The following MFSD6 variants were observed in gnomAD, a reference collection of about 807,000 sequenced individuals.
MFSD6 encodes major facilitator superfamily domain-containing protein 6.
In MFSD6, 26 loss-of-function variants were observed where a neutral mutation model predicts 56.3. The ratio of observed to expected loss-of-function variants is 0.46; its 90% CI spans 0.34 to 0.64. The LOEUF (loss-of-function observed/expected upper bound fraction) is 0.64, where lower values mean the gene tolerates loss of function less well. MFSD6 is among the 30% of genes least tolerant of loss of function. MFSD6 has a pLI of 0.01. For missense variants in MFSD6, 750 were observed against 986.2 expected, an observed-to-expected ratio of 0.76 and a Z score of 3.21; for synonymous variants, 331 against 366.9, an observed-to-expected ratio of 0.90 and a Z score of 1.12.
chr2:190,432,842 T>A (rs10931453), intron 2 of MFSD6, among the ~76,000 whole-genome samples: 57,814 of 125,460 alleles, frequency 0.46, 11,973 homozygotes, highest in Admixed American at 0.63. Context: ...ACACACACAC[T>A]CTCTCTCTCT....
chr2:190,466,580 T>G (rs553891749), intron 3 of MFSD6, among the ~76,000 whole-genome samples: 2 of 152,228 alleles, frequency 1.3e-5, no homozygotes, highest in South Asian at 4.1e-4. Flanking sequence ...ATGATGATGA[T>G]GATGATGAAT....
rs1249388127 is a variant in MFSD6, at chr2:190,416,997, A to G, written c.-54+1584A>G. On this transcript the variant is annotated intron_variant, in intron 2 of 7. Coordinates refer to ENST00000392328, the MANE Select transcript of MFSD6 (RefSeq NM_017694.4). The surrounding 1 kb of genome is among the most constrained non-coding windows in gnomAD (Gnocchi z 4.1). ...TTGAGAGCTTACAGGGGTAAAGGGC[A>G]ATATGTTATGTTCTAGATTCCTCCC... is the stretch of plus-strand genomic sequence containing the variant. Among the ~76,000 whole-genome samples the G allele has an allele frequency of 2.0e-5, 3 of 152,242 alleles. No individual in the cohort carries two copies. The East Asian group carries it at 5.8e-4, about 29-fold the overall frequency.
intron 4 of MFSD6, among the ~76,000 whole-genome samples, chr2:190,481,971 T>G (rs1002495034): frequency 6.6e-6 from 1 of 152,220 alleles, no homozygotes; most frequent in African/African-American, 2.4e-5. Context: ...TTCGTGGACA[T>G]GCAGCTAGAT....
Position 190,436,286 on chromosome 2 carries a change from A to G in MFSD6, c.257A>G (p.Tyr86Cys). 2 of 1,614,020 alleles carry G rather than the reference A, an allele frequency of 1.2e-6. No homozygotes were observed. Among genetic ancestry groups the G allele is most frequent in the Non-Finnish European group, 1.7e-6 (2 of 1,179,928 alleles). ...TTTTACTCTGCCTATGGCTCTCTCT[A>G]TCCCCTTTTGCCTGTGTATTACAAA... ...FFFYSAYGSL[Y>C]PLLPVYYKQL... The change falls in exon 3 of 8, where the codon TAT becomes TGT. Residue 86 changes from tyrosine to cysteine, a missense_variant. By Grantham distance (194) the Tyr-to-Cys change is radical. Around this residue, in one of 5 missense-constraint regions of MFSD6, gnomAD observed 76 missense variants for 101.9 expected, o/e 0.75. Transcript: ENST00000392328. The surrounding 1 kb of genome is among the most constrained non-coding windows in gnomAD (Gnocchi z 5.3).
chr2:190,446,912 TTCTGAGGATCTC>T (rs1021437596), intron 3 of MFSD6, among the ~76,000 whole-genome samples: 2 of 152,192 alleles, frequency 1.3e-5, no homozygotes, highest in Non-Finnish European at 2.9e-5. Context: ...GACTTAGGGA[TTCTGAGGATCTC>T]TCCCAGTGCA....
In MFSD6 at chr2:190,417,452, G is replaced by A. The variant is rs1690824932; in HGVS notation, c.-54+2039G>A. Among the ~76,000 whole-genome samples the A allele has an allele frequency of 6.6e-6, 1 of 152,200 alleles. No individual in the cohort carries two copies. Among genetic ancestry groups the A allele is most frequent in the African/African-American group, 2.4e-5 (1 of 41,448 alleles). ...ATTTAGCATAAGGTGTTGTGATTGTGTGTGCCCCCGTCTTCTTCTCGCCTC... is the reference window on the plus strand; with the variant it reads ...ATTTAGCATAAGGTGTTGTGATTGTATGTGCCCCCGTCTTCTTCTCGCCTC... On this transcript the variant is annotated intron_variant, in intron 2 of 7. Coordinates refer to ENST00000392328, the MANE Select transcript of MFSD6 (RefSeq NM_017694.4). This position sits in a 1 kb window ranked among gnomAD's most constrained non-coding sequence, Gnocchi z 5.7.
At position 190,456,234 on chromosome 2, in the gene MFSD6, C is replaced by G. The variant is rs139536920; in HGVS notation, c.1533-13524C>G. ...AGGATTACAGGTGTGAGCCACCATG[C>G]CTGGCCTGCTCTACTTTTTTCCTTA... is the stretch of plus-strand genomic sequence containing the variant. On this transcript the variant is annotated intron_variant, in intron 3 of 7. Transcript: ENST00000392328. The surrounding 1 kb of genome is among the most constrained non-coding windows in gnomAD (Gnocchi z 5.4). 2.6e-5 allele frequency among the ~76,000 whole-genome samples: 4 copies of G among 152,144 alleles called. No individual in the cohort carries two copies. The highest frequency in any genetic ancestry group is 5.9e-5 in the Non-Finnish European group (4 of 68,010).
intron 3 of MFSD6, among the ~76,000 whole-genome samples, chr2:190,448,194 G>C (rs1355847400): frequency 1.3e-5 from 2 of 152,208 alleles, no homozygotes; most frequent in African/African-American, 4.8e-5. Context: ...CAAGAGTAAA[G>C]ATGGTTCCTG....
chr2:190,442,353 A>G (rs1311431715), intron 3 of MFSD6, among the ~76,000 whole-genome samples: 4 of 152,142 alleles, frequency 2.6e-5, no homozygotes, highest in Non-Finnish European at 4.4e-5. Flanking sequence ...GTTGGAAAAA[A>G]CAGGAGAGAC....
chr2:190,477,459 G>T lies in MFSD6; in HGVS notation c.1630+7604G>T, dbSNP rs372692405. The T allele has an allele frequency of 6.7e-6, 5 of 745,982 alleles. No homozygotes were observed. The East Asian group carries it at 3.9e-4, about 59-fold the overall frequency. The allele number at this position is 745,982 out of a possible 1,614,324, so 46.2% of individuals were successfully genotyped here. A position where few individuals can be genotyped will look rare whatever the true frequency, so the allele number is the denominator to read the frequency against. On this transcript the variant is annotated intron_variant, in intron 4 of 7. Coordinates refer to ENST00000392328, the MANE Select transcript of MFSD6 (RefSeq NM_017694.4). ...TTTTTATCCTTTTAGTTTAAAATGA[G>T]TTAGGTGGAAAAGGACGGTTTCCAT... is the stretch of plus-strand genomic sequence containing the variant.
chr2:190,464,926 G>A, intron 3 of MFSD6: 1 of 983,046 alleles, frequency 1.0e-6, no homozygotes, highest in Non-Finnish European at 1.2e-6. Context: ...GGGGAGGGTG[G>A]ATTTAGCCAT....
At position 190,423,596 on chromosome 2, in the gene MFSD6, A is replaced by G. The variant is rs1462082352; in HGVS notation, c.-54+8183A>G. ...GCTATTATGAAGAAAGCTGCTATAAACATTTATGCATGGGTTTCTGTGTGA... is the reference window on the plus strand; with the variant it reads ...GCTATTATGAAGAAAGCTGCTATAAGCATTTATGCATGGGTTTCTGTGTGA... On this transcript the variant is annotated intron_variant, in intron 2 of 7. Coordinates refer to ENST00000392328, the MANE Select transcript of MFSD6 (RefSeq NM_017694.4). The surrounding 1 kb of genome is among the most constrained non-coding windows in gnomAD (Gnocchi z 4.3). 6.6e-6 allele frequency among the ~76,000 whole-genome samples: 1 copy of G among 152,212 alleles called. No individual in the cohort carries two copies. Among genetic ancestry groups the G allele is most frequent in the Non-Finnish European group, 1.5e-5 (1 of 68,044 alleles).
chr2:190,464,529 T>C (rs1687497030), intron 3 of MFSD6, among the ~76,000 whole-genome samples: 1 of 152,216 alleles, frequency 6.6e-6, no homozygotes, highest in South Asian at 2.1e-4. Context: ...TAATCCTTCT[T>C]GTGTCTTTCA....
intron 4 of MFSD6, among the ~76,000 whole-genome samples, chr2:190,479,886 G>A (rs920359929): frequency 1.3e-5 from 2 of 152,118 alleles, no homozygotes; most frequent in African/African-American, 4.8e-5. Context: ...CAGTTAGGGG[G>A]ACTTGAGCTG....
At chr2:190,452,458 A>G (rs1686812502) in intron 3 of MFSD6, among the ~76,000 whole-genome samples, 1 of 152,170 alleles carries the variant, frequency 6.6e-6, no homozygotes, top group Non-Finnish European at 1.5e-5. Context: ...TGAGTTAGGC[A>G]TTGTTATGTC....
intron 3 of MFSD6, among the ~76,000 whole-genome samples, chr2:190,445,185 A>G (rs1417818415): frequency 4.6e-5 from 7 of 152,124 alleles, no homozygotes. Flanking sequence ...GGGGATACTT[A>G]TCTCATATTA....
rs1685779075 is a variant in MFSD6 at position 190,426,155 on chromosome 2, T to A, written c.-53-9822T>A. Among the ~76,000 whole-genome samples the A allele has an allele frequency of 6.6e-6, 1 of 152,194 alleles. No individual in the cohort carries two copies. Among genetic ancestry groups the A allele is most frequent in the Non-Finnish European group, 1.5e-5 (1 of 68,034 alleles). On this transcript the variant is annotated intron_variant, in intron 2 of 7. Coordinates refer to ENST00000392328, the MANE Select transcript of MFSD6 (RefSeq NM_017694.4). This position sits in a 1 kb window ranked among gnomAD's most constrained non-coding sequence, Gnocchi z 4.7. ...TTTGACAACTTTTTCACTCCCTTTT[T>A]TTCTCCTCACCTTCCAGGACTATGA...
Position 190,462,078 on chromosome 2 carries a change from C to T in MFSD6, c.1533-7680C>T, listed in dbSNP as rs4401237. Among the ~76,000 whole-genome samples the T allele has an allele frequency of 9.9e-5, 15 of 152,150 alleles. No homozygotes were observed. Among genetic ancestry groups the T allele is most frequent in the African/African-American group, 2.7e-4 (11 of 41,504 alleles). On this transcript the variant is annotated intron_variant, in intron 3 of 7. Transcript: ENST00000392328. This position sits in a 1 kb window ranked among gnomAD's most constrained non-coding sequence, Gnocchi z 5.7. ...CTTAGGCGATGAAGGGCCCTATCATCGCAGATTTCCAGGATAATCATTGTT... is the reference window on the plus strand; with the variant it reads ...CTTAGGCGATGAAGGGCCCTATCATTGCAGATTTCCAGGATAATCATTGTT...
chr2:190,458,244 A>G lies in MFSD6; in HGVS notation c.1533-11514A>G, dbSNP rs1384243237. 6.6e-6 allele frequency among the ~76,000 whole-genome samples: 1 copy of G among 152,178 alleles called. No homozygotes were observed. Among genetic ancestry groups the G allele is most frequent in the Non-Finnish European group, 1.5e-5 (1 of 68,034 alleles). On this transcript the variant is annotated intron_variant, in intron 3 of 7. Coordinates refer to ENST00000392328, the MANE Select transcript of MFSD6 (RefSeq NM_017694.4). This position sits in a 1 kb window ranked among gnomAD's most constrained non-coding sequence, Gnocchi z 5.3. ...CTAACCCACAGTACCTCAGAGTGTG[A>G]CCATATTTAAAGTTAGGGTCTTTAA...
Sources: gnomAD v4.1 joint callset for allele counts (sites outside exome capture counted in the v4.1 genomes callset) on GRCh38, gnomAD v4.1.1 for gene constraint, gnomAD v4.1.1 regional missense constraint, Gnocchi (gnomAD v3.1) non-coding constraint, MANE v1.5 for transcripts, NCBI Gene and HGNC (gene_info 2026-07-23, HGNC 2026-07-21) for gene names.